The following PKD2 variants were observed in gnomAD, a reference collection of about 807,000 sequenced individuals.
PKD2 encodes the protein polycystin 2, transient receptor potential cation channel, also known as polycystin-2.
A neutral mutation model predicts 105.9 loss-of-function variants in PKD2; 48 were observed. The observed-to-expected ratio is 0.45, with a 90% CI of 0.36 to 0.58. PKD2 has a LOEUF of 0.58. PKD2 is among the 20% of genes least tolerant of loss of function. PKD2 has a pLI of 0.00. For synonymous variants in PKD2, 464 were observed against 481.1 expected (o/e 0.96, Z 0.46); for missense variants, 1,078 against 1,255.3 (o/e 0.86, Z 2.13).
At chr4:88,034,960 A>G (rs1157646425) in intron 2 of PKD2, among the ~76,000 whole-genome samples, 1 of 152,238 alleles carries the variant, frequency 6.6e-6, no homozygotes, top group Non-Finnish European at 1.5e-5. Context: ...GCTGAAATTT[A>G]TAATAAATGC....
At chr4:88,057,938 A>G (rs192678917) in intron 8 of PKD2, 45 bp from the exon 9 acceptor site, 16 of 1,456,420 alleles carry the variant, frequency 1.1e-5, no homozygotes, top group African/African-American at 2.8e-5. Flanking sequence ...CAACTAGTGG[A>G]CATTCTTTGT....
intron 10 of PKD2, among the ~76,000 whole-genome samples, chr4:88,062,860 A>G (rs1157491319): frequency 6.6e-6 from 1 of 152,192 alleles, no homozygotes; most frequent in African/African-American, 2.4e-5. Flanking sequence ...ATTCCGCATA[A>G]CAGTTGCTTA....
intron 1 of PKD2, 73 bp downstream of exon 1, chr4:88,008,401 T>C (rs1726268983): frequency 1.4e-6 from 2 of 1,455,006 alleles, no homozygotes; most frequent in African/African-American, 1.5e-5. Context: ...CATCGCCCGC[T>C]GCGGCAGCTC....
chr4:88,043,373 A>G lies in PKD2; in HGVS notation c.1235A>G (p.Asn412Ser). 6.2e-7 allele frequency: 1 copy of G among 1,614,044 alleles called. No homozygotes were observed. Among genetic ancestry groups the G allele is most frequent in the Non-Finnish European group, 8.5e-7 (1 of 1,179,946 alleles). ...TAAQVASLKK[N>S]VWLDRGTRAT... is the part of the protein sequence containing the mutation. ...GCACAAGTTGCTAGCCTCAAGAAAA[A>G]TGTCTGGCTGGACCGAGGAACCAGG... Residue 412 changes from asparagine to serine, a missense_variant, in exon 5 of 15, where the codon AAT (asparagine) becomes AGT (serine). Around this residue, in one of 2 missense-constraint regions of PKD2, gnomAD observed 868 missense variants for 1,067.3 expected, o/e 0.81. Coordinates refer to ENST00000237596, the MANE Select transcript of PKD2 (RefSeq NM_000297.4).
At chr4:88,040,063 T>C (rs1284196999) in intron 4 of PKD2, among the ~76,000 whole-genome samples, 1 of 152,190 alleles carries the variant, frequency 6.6e-6, no homozygotes, top group Non-Finnish European at 1.5e-5. Flanking sequence ...AAGAAGTTAT[T>C]TCACGCATTA....
chr4:88,020,010 A>G (rs1275130854), intron 2 of PKD2, among the ~76,000 whole-genome samples: 3 of 152,208 alleles, frequency 2.0e-5, no homozygotes. Context: ...AAAAATCAGC[A>G]TTATCTGACC....
rs761547854 is a variant in PKD2 at position 88,038,451 on chromosome 4, C to T, written c.1044C>T (p.Tyr348=). ...AAATTAAAGAGTGCTATGATGTCTA[C>T]TCTGTCAGTAGTGAAGATAGGGCTC... ...RDEIKECYDV[Y]SVSSEDRAPF... The change falls in exon 4 of 15, where the codon TAC becomes TAT. Residue 348 remains tyrosine, a synonymous_variant. Transcript: ENST00000237596. 5 of 1,613,512 alleles carry T rather than the reference C, an allele frequency of 3.1e-6. No individual in the cohort carries two copies. The highest frequency in any genetic ancestry group is 4.2e-6 in the Non-Finnish European group (5 of 1,179,434).
At chr4:88,020,783 A>G (rs1255163831) in intron 2 of PKD2, among the ~76,000 whole-genome samples, 1 of 150,580 alleles carries the variant, frequency 6.6e-6, no homozygotes, top group Non-Finnish European at 1.5e-5. Flanking sequence ...TCGAGCTCCT[A>G]GGCTTCAGTG....
At position 88,075,951 on chromosome 4, in the gene PKD2, G is replaced by T; in HGVS notation, c.*257G>T. 4.6e-6 allele frequency: 2 copies of T among 432,590 alleles called. No homozygotes were observed. Among genetic ancestry groups the T allele is most frequent in the African/African-American group, 2.0e-5 (1 of 49,986 alleles). 26.8% of individuals were successfully genotyped at this position (432,590 alleles called of 1,614,324 possible). Reference sequence around the variant, plus strand: ...AAAATCTTCATGATGTGTATTGAGCGGTACGCCCAGTTGCCACCATGACTG... The same window carrying T: ...AAAATCTTCATGATGTGTATTGAGCTGTACGCCCAGTTGCCACCATGACTG... On this transcript the variant is annotated 3_prime_UTR_variant, in exon 15 of 15. Transcript: ENST00000237596.
chr4:88,034,187 G>A (rs370616012), intron 2 of PKD2, among the ~76,000 whole-genome samples: 20 of 152,232 alleles, frequency 1.3e-4, no homozygotes, highest in Admixed American at 3.9e-4. Flanking sequence ...TAAGATGACA[G>A]GTGAGGGAGC....
chr4:88,067,840 G>A, intron 12 of PKD2, 58 bp from the exon 13 acceptor site: 1 of 1,510,396 alleles, frequency 6.6e-7, no homozygotes, highest in Non-Finnish European at 9.1e-7. Flanking sequence ...AGTCCTTGGT[G>A]AGGCTTCTGT....
chr4:88,040,029 A>G (rs913721717), intron 4 of PKD2, among the ~76,000 whole-genome samples: 3 of 152,138 alleles, frequency 2.0e-5, no homozygotes, highest in Admixed American at 6.5e-5. Context: ...TTATACAGCC[A>G]CTGCTCTGTG....
chr4:88,018,004 A>G (rs1253373388), intron 1 of PKD2, among the ~76,000 whole-genome samples: 2 of 152,234 alleles, frequency 1.3e-5, no homozygotes, highest in East Asian at 1.9e-4. Flanking sequence ...CCTCTGTGTT[A>G]TTCTAAGTTG....
chr4:88,012,729 C>A (rs1726428816), intron 1 of PKD2, among the ~76,000 whole-genome samples: 1 of 152,012 alleles, frequency 6.6e-6, no homozygotes, highest in Admixed American at 6.6e-5. Context: ...CCCTGTTTCC[C>A]CACTCCCCCT....
Position 88,007,671 on chromosome 4 carries a change from T to C in PKD2, c.-63T>C. 9.4e-7 allele frequency: 1 copy of C among 1,058,924 alleles called. No individual in the cohort carries two copies. Among genetic ancestry groups the C allele is most frequent in the Non-Finnish European group, 1.1e-6 (1 of 870,280 alleles). 65.6% of individuals were successfully genotyped at this position (1,058,924 alleles called of 1,614,324 possible). On this transcript the variant is annotated 5_prime_UTR_variant, in exon 1 of 15. Transcript: ENST00000237596. ...GGCGCCGGGAAGAAAGGAACATGGC[T>C]CCTGAGGCGCACAGCGCCGAGCGCG... is the stretch of plus-strand genomic sequence containing the variant.
intron 10 of PKD2, 48 bp from the exon 11 acceptor site, chr4:88,065,326 A>C (rs1560626042): frequency 6.4e-7 from 1 of 1,574,012 alleles, no homozygotes; most frequent in South Asian, 1.1e-5. Flanking sequence ...ACAGATGCAA[A>C]AGGAGAATAC....
chr4:88,043,309 T>C lies in PKD2; in HGVS notation c.1171T>C (p.Tyr391His), dbSNP rs1298329112. ...GIIATYSGAG[Y>H]YLDLSRTREE... The stretch of plus-strand genomic sequence containing the variant: ...CATTGCAACTTATAGTGGAGCTGGC[T>C]ATTATCTGGATTTGTCAAGAACAAG... Residue 391 changes from tyrosine to histidine, a missense_variant, in exon 5 of 15, where the codon TAT becomes CAT. By Grantham distance (83) the Tyr-to-His change is moderately conservative (BLOSUM62 2). Around this residue, in one of 2 missense-constraint regions of PKD2, gnomAD observed 868 missense variants for 1,067.3 expected, o/e 0.81. Transcript: ENST00000237596. The C allele has an allele frequency of 3.1e-6, 5 of 1,613,548 alleles. No homozygotes were observed. The highest frequency in any genetic ancestry group is 4.2e-6 in the Non-Finnish European group (5 of 1,179,614).
At chr4:88,024,278 G>A (rs1434736238) in intron 2 of PKD2, among the ~76,000 whole-genome samples, 1 of 151,536 alleles carries the variant, frequency 6.6e-6, no homozygotes, top group Non-Finnish European at 1.5e-5. Flanking sequence ...GCAACTTGGC[G>A]AGACCTCGTC....
At chr4:88,067,737 A>G (rs765133572) in intron 12 of PKD2, among the ~76,000 whole-genome samples, 161 bp from the exon 13 acceptor site, 2 of 152,208 alleles carry the variant, frequency 1.3e-5, no homozygotes, top group African/African-American at 2.4e-5. Flanking sequence ...AAATTTGCCA[A>G]TCTATGAAAC....
Sources: allele counts gnomAD v4.1 joint callset (sites outside exome capture counted in the v4.1 genomes callset), GRCh38; gene constraint gnomAD v4.1.1; regional missense constraint gnomAD v4.1.1; transcripts MANE v1.5; gene names NCBI Gene and HGNC (gene_info 2026-07-23, HGNC 2026-07-21).